The following TEX11 variants were observed in gnomAD, a reference collection of about 807,000 sequenced individuals.
TEX11 encodes the protein testis expressed 11, also known as testis-expressed protein 11.
TEX11 carries 7 observed loss-of-function variants against 84.4 expected under a neutral mutation model. The ratio of observed to expected loss-of-function variants is 0.08; its 90% CI spans 0.05 to 0.16. The LOEUF is 0.16. Among genes scored for constraint, TEX11 ranks in the 10% least tolerant of loss-of-function variants. The probability of loss-of-function intolerance (pLI) is 1.00; values close to 1 mark genes in which losing one functional copy is unlikely to be tolerated. For missense variants in TEX11, 551 were observed against 660.5 expected (o/e 0.83, Z 1.82); for synonymous variants, 264 against 222.8 (o/e 1.18, Z -1.64).
chrX:70,782,335 G>C (rs1450406297), intron 9 of TEX11, among the ~76,000 whole-genome samples: 1 of 111,037 alleles, frequency 9.0e-6, no homozygotes, highest in African/African-American at 3.3e-5. Context: ...ACATGGAAAG[G>C]AACAACTGGT....
chrX:70,536,604 C>A (rs1337887178), intron 28 of TEX11, among the ~76,000 whole-genome samples: 2 of 112,138 alleles, frequency 1.8e-5, no homozygotes, highest in African/African-American at 6.5e-5. Context: ...ATGTGATATA[C>A]CTTTTCCATT....
chrX:70,564,872 C>T (rs2088436443), intron 25 of TEX11, among the ~76,000 whole-genome samples: 1 of 110,358 alleles, frequency 9.1e-6, no homozygotes, highest in African/African-American at 3.3e-5. Context: ...CATACGTGTG[C>T]ATGTGTCTTT....
intron 11 of TEX11, among the ~76,000 whole-genome samples, chrX:70,731,668 T>C (rs2090652375): frequency 9.0e-6 from 1 of 110,900 alleles, no homozygotes; most frequent in South Asian, 3.9e-4. Flanking sequence ...ATCAATAGCT[T>C]ACCAACCAAA....
chrX:70,844,528 G>T (rs1398430839), intron 7 of TEX11, among the ~76,000 whole-genome samples: 1 of 106,959 alleles, frequency 9.3e-6, no homozygotes, highest in Non-Finnish European at 1.9e-5. Flanking sequence ...GAGTTAATGG[G>T]TGCAGCACAC....
chrX:70,808,348 G>T (rs912463627), intron 8 of TEX11, among the ~76,000 whole-genome samples: 2 of 105,984 alleles, frequency 1.9e-5, no homozygotes, highest in Admixed American at 2.1e-4. Flanking sequence ...ACTAAAAATA[G>T]AAAAATTAGT....
At chrX:70,892,693 A>G (rs2091744892) in intron 2 of TEX11, among the ~76,000 whole-genome samples, 1 of 108,714 alleles carries the variant, frequency 9.2e-6, no homozygotes, top group African/African-American at 3.4e-5. Context: ...AGATCGACCC[A>G]CTGCACTCCA....
At chrX:70,695,250 A>G (rs111501554) in intron 13 of TEX11, among the ~76,000 whole-genome samples, 8,839 of 112,146 alleles carry the variant, frequency 0.079, 433 homozygotes, top group Admixed American at 0.25. Context: ...CTGAATAGAT[A>G]AACAAATTGT....
Position 70,722,714 on chromosome X carries a change from T to G in TEX11, c.926-18A>C. 8.9e-7 allele frequency: 1 copy of G among 1,124,906 alleles called. No homozygotes were observed. Among genetic ancestry groups the G allele is most frequent in the Admixed American group, 2.2e-5 (1 of 44,665 alleles). The allele number at this position is 1,124,906 out of a possible 1,213,427, so 92.7% of individuals were successfully genotyped here. On this transcript the variant is annotated intron_variant, in intron 12 of 29. Coordinates refer to ENST00000374333, the MANE Select transcript of TEX11 (RefSeq NM_031276.3). ...CATGACAGCTAACAAGATGAAAAAA[T>G]GAAATAATTATCAGTTTAATTTTTG... is the stretch of plus-strand genomic sequence containing the variant.
chrX:70,786,245 C>A (rs1433292746), intron 9 of TEX11, among the ~76,000 whole-genome samples: 2 of 111,242 alleles, frequency 1.8e-5, no homozygotes, highest in African/African-American at 6.5e-5. Flanking sequence ...CACATGTTCT[C>A]ACTCATAGGT....
chrX:70,621,563 TATATATATATATATAA>T (rs1468497699), intron 20 of TEX11, among the ~76,000 whole-genome samples: 2 of 47,741 alleles, frequency 4.2e-5, no homozygotes, highest in African/African-American at 1.6e-4. Context: ...TATATATATA[TATATATATATATATAA>T]ATAAAAATAA....
At chrX:70,665,952 G>A (rs2089972234) in intron 16 of TEX11, among the ~76,000 whole-genome samples, 3 of 111,810 alleles carry the variant, frequency 2.7e-5, no homozygotes, top group African/African-American at 3.2e-5. Context: ...GAAATAGCAT[G>A]AGGAAATGGA....
Position 70,571,221 on chromosome X carries a change from G to A in TEX11, c.2141-16421C>T, listed in dbSNP as rs775070780. ...TTTAGTAGAGACGGGGCTTCACCAT[G>A]TTGGCCAGGCTGGTCTCAAACTCCT... On this transcript the variant is annotated intron_variant, in intron 25 of 29. Transcript: ENST00000374333. Among the ~76,000 whole-genome samples, 35 of 111,893 alleles carry A rather than the reference G, an allele frequency of 3.1e-4. 1 individual carries two copies. The highest frequency in any genetic ancestry group is 4.6e-3 in the Middle Eastern group (1 of 216).
intron 16 of TEX11, among the ~76,000 whole-genome samples, chrX:70,659,749 T>C (rs2089907460): frequency 8.9e-6 from 1 of 112,602 alleles, no homozygotes; most frequent in Non-Finnish European, 1.9e-5. Flanking sequence ...AAGATACTTG[T>C]AATATCTATG....
the TEX11 span, among the ~76,000 whole-genome samples, chrX:70,513,412 A>G: frequency 9.5e-6 from 1 of 105,742 alleles, no homozygotes; most frequent in East Asian, 2.9e-4. Flanking sequence ...ATATATAATA[A>G]TGAAATGAAA....
chrX:70,565,717 T>C (rs2088459794), intron 25 of TEX11, among the ~76,000 whole-genome samples: 3 of 110,389 alleles, frequency 2.7e-5, no homozygotes, highest in Admixed American at 1.9e-4. Flanking sequence ...TAGTTGTAGA[T>C]ATGCGGCTTT....
chrX:70,565,732 C>T (rs1440519642), intron 25 of TEX11, among the ~76,000 whole-genome samples: 1 of 110,378 alleles, frequency 9.1e-6, no homozygotes, highest in African/African-American at 3.3e-5. Flanking sequence ...GGCTTTATTT[C>T]TGAGGGCTCT....
At chrX:70,899,365 A>G (rs2091790187) in intron 2 of TEX11, among the ~76,000 whole-genome samples, 1 of 111,819 alleles carries the variant, frequency 8.9e-6, no homozygotes, top group African/African-American at 3.2e-5. Flanking sequence ...ATATGCTGGA[A>G]CAAAAATGTA....
chrX:70,738,564 A>G (rs1008179301), intron 11 of TEX11, among the ~76,000 whole-genome samples: 10 of 112,191 alleles, frequency 8.9e-5, no homozygotes, highest in Admixed American at 7.6e-4. Context: ...ATCTAGAACC[A>G]GAAATACCAT....
intron 24 of TEX11, among the ~76,000 whole-genome samples, chrX:70,603,636 G>A (rs1257938187): frequency 9.0e-6 from 1 of 111,434 alleles, no homozygotes; most frequent in Non-Finnish European, 1.9e-5. Context: ...CAGGACATAG[G>A]CATGGGCAAG....
Sources: allele counts gnomAD v4.1 joint callset (sites outside exome capture counted in the v4.1 genomes callset), GRCh38; gene constraint gnomAD v4.1.1; transcripts MANE v1.5; gene names NCBI Gene and HGNC (gene_info 2026-07-23, HGNC 2026-07-21).